MCM3AP: variants seen among roughly 807,000 people sequenced by gnomAD.
The protein encoded by MCM3AP is minichromosome maintenance complex component 3 associated protein.
MCM3AP carries 126 observed loss-of-function variants against 184.1 expected under a neutral mutation model. The observed-to-expected ratio is 0.68, with a 90% CI of 0.59 to 0.79. The LOEUF (loss-of-function observed/expected upper bound fraction) is 0.79. MCM3AP is among the 30% of genes least tolerant of loss of function. MCM3AP has a pLI of 0.00. For synonymous variants in MCM3AP, 1,002 were observed against 979.3 expected, an observed-to-expected ratio of 1.02 and a Z score of -0.43; for missense variants, 2,496 against 2,479.2, an observed-to-expected ratio of 1.01 and a Z score of -0.14.
At chr21:46,263,988 T>C (rs1333462554) in intron 13 of MCM3AP, 129 bp downstream of exon 13, 17 of 570,052 alleles carry the variant, frequency 3.0e-5, no homozygotes, top group Non-Finnish European at 3.8e-5. Flanking sequence ...TTCCTGACAC[T>C]GTATCTGGCA....
Position 46,243,688 on chromosome 21 carries a change from C to G in MCM3AP, c.5073G>C (p.Gln1691His), listed in dbSNP as rs1200064255. The change falls in exon 24 of 28, where the codon CAG becomes CAC. Residue 1691 changes from glutamine to histidine, a missense_variant. This residue lies in a region of MCM3AP where 1,323 missense variants were observed against 1,273.4 expected (regional missense o/e 1.04). Transcript: ENST00000291688. ...GTGAGCTGGGGATCTGGGAGGCGTA[C>G]TGGACAACCATGGAGCACACGGGGA... Reference protein sequence around the residue: ...PWLPVCSMVVQYASQIPSSRQ... With the variant: ...PWLPVCSMVVHYASQIPSSRQ... 6.2e-7 allele frequency: 1 copy of G among 1,614,200 alleles called. No individual in the cohort carries two copies. The highest frequency in any genetic ancestry group is 1.1e-5 in the South Asian group (1 of 91,092).
chr21:46,253,538 CACGAG>C (rs2080903598), intron 19 of MCM3AP: 1 of 152,176 alleles, frequency 6.6e-6, no homozygotes, highest in Non-Finnish European at 1.5e-5. Flanking sequence ...AGTGAGCTCT[CACGAG>C]ATCTGGTTAA....
At chr21:46,242,997 AAAC>A (rs1176735480) in intron 24 of MCM3AP, 66 bp from the exon 25 acceptor site, 114 of 1,389,502 alleles carry the variant, frequency 8.2e-5, no homozygotes, top group African/African-American at 2.0e-4. Flanking sequence ...AAAAAAAAAA[AAAC>A]ACACACAAAA....
At chr21:46,254,755 G>C in intron 18 of MCM3AP, 21 bp downstream of exon 18, 1 of 1,609,452 alleles carries the variant, frequency 6.2e-7, no homozygotes, top group Non-Finnish European at 8.5e-7. Context: ...GGGGTGCGCA[G>C]AAGGGTGCAG....
At position 46,243,738 on chromosome 21, in the gene MCM3AP, C is replaced by T; in HGVS notation, c.5039-16G>A. On this transcript the variant is annotated splice_polypyrimidine_tract_variant and intron_variant, in intron 23 of 27. Transcript: ENST00000291688. ...AGCCAGGGGGCTGGGGAGAAAGTGC[C>T]TCATTAGTTACAGGTTTGGCCAAAA... The T allele has an allele frequency of 6.2e-7, 1 of 1,612,154 alleles. No homozygotes were observed.
chr21:46,257,474 CAAAAAAAAAAAAAA>C (rs369556689), intron 16 of MCM3AP, among the ~76,000 whole-genome samples: 1 of 49,346 alleles, frequency 2.0e-5, no homozygotes, highest in African/African-American at 8.3e-5. Flanking sequence ...GGCTCCGTCT[CAAAAAAAAAAAAAA>C]AAAAAAAAAA....
chr21:46,262,499 T>A (rs914252248), intron 13 of MCM3AP, among the ~76,000 whole-genome samples: 1 of 151,918 alleles, frequency 6.6e-6, no homozygotes, highest in Non-Finnish European at 1.5e-5. Context: ...AATTAAAAAA[T>A]TAGCCGGGTA....
chr21:46,262,859 C>T (rs1787627865), intron 13 of MCM3AP, among the ~76,000 whole-genome samples: 3 of 141,446 alleles, frequency 2.1e-5, no homozygotes, highest in South Asian at 4.7e-4. Flanking sequence ...CCCAGCTACT[C>T]GGGAGGCTGA....
intron 12 of MCM3AP, 140 bp from the exon 13 acceptor site, chr21:46,264,357 AGGAAAGGTGTCCCCTAGCGAAT>A: frequency 1.7e-6 from 1 of 605,920 alleles, no homozygotes; most frequent in Non-Finnish European, 2.9e-6. Flanking sequence ...AGGCTGTTGC[AGGAAAGGTGTCCCCTAGCGAAT>A]GGAAAGGTGC....
At chr21:46,280,418 C>T in intron 3 of MCM3AP, 79 bp downstream of exon 3, 1 of 1,079,726 alleles carries the variant, frequency 9.3e-7, no homozygotes, top group Non-Finnish European at 1.4e-6. Flanking sequence ...TCAGACTGGG[C>T]AACATAGCGA....
rs780047296 is a variant in MCM3AP, at chr21:46,275,252, C to T, written c.1932G>A (p.Lys644=). 156 of 1,614,050 alleles carry T rather than the reference C, an allele frequency of 9.7e-5. No homozygotes were observed. The highest frequency in any genetic ancestry group is 1.3e-4 in the Non-Finnish European group (149 of 1,180,026). ...VGTCLDMCPE[K]ERYMRETRSQ... is the part of the protein sequence containing the mutation. ...TACGGGTCTCCCGCATGTACCTCTCCTTCTCAGGACACATATCCAGGCAGG... is the reference window on the plus strand; with the variant it reads ...TACGGGTCTCCCGCATGTACCTCTCTTTCTCAGGACACATATCCAGGCAGG... Residue 644 remains lysine, a synonymous_variant, in exon 6 of 28, where the codon AAG becomes AAA. Transcript: ENST00000291688.
chr21:46,285,629 A>G (rs1345976532), upstream of MCM3AP: 2 of 202,244 alleles, frequency 9.9e-6, no homozygotes, highest in Non-Finnish European at 2.0e-5. Context: ...AAAAAAGCCG[A>G]ATCTTTTTAC....
chr21:46,239,163 G>A (rs1385623838), intron 26 of MCM3AP, among the ~76,000 whole-genome samples: 8 of 152,218 alleles, frequency 5.3e-5, no homozygotes, highest in South Asian at 4.1e-4. Context: ...AGGAAGGAGC[G>A]GAGGTCAGAG....
In MCM3AP at chr21:46,249,387, C is replaced by T. The variant is rs139924897; in HGVS notation, c.4290+2142G>A. ...ATTTTTTATAGAGACAGGGTTTCACCGCGTTGCCCAGGCTGGTCTCGAACT... is the reference window on the plus strand; with the variant it reads ...ATTTTTTATAGAGACAGGGTTTCACTGCGTTGCCCAGGCTGGTCTCGAACT... On this transcript the variant is annotated intron_variant, in intron 20 of 27. Coordinates refer to ENST00000291688, the MANE Select transcript of MCM3AP (RefSeq NM_003906.5). Among the ~76,000 whole-genome samples the T allele has an allele frequency of 3.4e-3, 514 of 152,164 alleles. 3 individuals are homozygous for T. The highest frequency in any genetic ancestry group is 3.1e-3 in the Non-Finnish European group (211 of 67,998).
At chr21:46,244,712 G>A (rs1413593917) in intron 23 of MCM3AP, 95 bp downstream of exon 23, 2 of 1,357,840 alleles carry the variant, frequency 1.5e-6, no homozygotes, top group African/African-American at 2.9e-5. Context: ...CCCTCACACT[G>A]GTGCCCAACA....
At chr21:46,256,221 A>T (rs2080946472) in intron 17 of MCM3AP, among the ~76,000 whole-genome samples, 1 of 151,354 alleles carries the variant, frequency 6.6e-6, no homozygotes, top group African/African-American at 2.5e-5. Flanking sequence ...ATGCAGGCTG[A>T]GGGGGGTCCT....
Position 46,284,992 on chromosome 21 carries a change from G to GC in MCM3AP, c.294dup (p.Pro99AlafsTer13), listed in dbSNP as rs757429019. On this transcript the variant is annotated frameshift_variant, in exon 1 of 28. Coordinates refer to ENST00000291688, the MANE Select transcript of MCM3AP (RefSeq NM_003906.5). LOFTEE classifies it high-confidence loss of function. ...TTTCCCAGCACAGATGAACTTGAAG[G>GC]CCCAGAGGTAGCCACAAAGGTGGAA... The GC allele has an allele frequency of 1.9e-6, 3 of 1,614,172 alleles. No individual in the cohort carries two copies. The highest frequency in any genetic ancestry group is 1.7e-6 in the Non-Finnish European group (2 of 1,180,036).
chr21:46,245,028 C>T lies in MCM3AP; in HGVS notation c.4817G>A (p.Gly1606Asp). 1 of 1,614,218 alleles carries T rather than the reference C, an allele frequency of 6.2e-7. No individual in the cohort carries two copies. Among genetic ancestry groups the T allele is most frequent in the Non-Finnish European group, 8.5e-7 (1 of 1,180,038 alleles). Residue 1606 changes from glycine to aspartate, a missense_variant, in exon 23 of 28, where the codon GGC (glycine) becomes GAC (aspartate). Physicochemically the swap from Gly to Asp is moderately conservative, Grantham distance 94 (BLOSUM62 -1). This residue lies in a region of MCM3AP where 1,323 missense variants were observed against 1,273.4 expected (regional missense o/e 1.04). Transcript: ENST00000291688. The stretch of plus-strand genomic sequence containing the variant: ...ACTGTTAAACAGCTCAATGATGGCG[C>T]CAGGCTCCTGAGAAGCAAGACCGCC... ...RLGGLASQEPGAIIELFNSVL... is the reference protein window; with the variant it reads ...RLGGLASQEPDAIIELFNSVL...
At position 46,272,544 on chromosome 21, in the gene MCM3AP, T is replaced by C. The variant is rs774530458; in HGVS notation, c.2465+17A>G. 6.2e-7 allele frequency: 1 copy of C among 1,609,022 alleles called. No individual in the cohort carries two copies. Among genetic ancestry groups the C allele is most frequent in the Admixed American group, 1.7e-5 (1 of 59,516 alleles). On this transcript the variant is annotated intron_variant, in intron 8 of 27. Coordinates refer to ENST00000291688, the MANE Select transcript of MCM3AP (RefSeq NM_003906.5). ...TTTTCAGCCACCTTAGGACAACTTT[T>C]GGATGTGAAAATTCACCTTAGGATG...
Sources: gnomAD v4.1 joint callset for allele counts (sites outside exome capture counted in the v4.1 genomes callset) on GRCh38, gnomAD v4.1.1 for gene constraint, gnomAD v4.1.1 regional missense constraint, MANE v1.5 for transcripts, NCBI Gene and HGNC (gene_info 2026-07-23, HGNC 2026-07-21) for gene names.